Variants in RAB21 observed in about 807,000 individuals in gnomAD.
RAB21 encodes RAB21, member RAS oncogene family.
A neutral mutation model predicts 33.1 loss-of-function variants in RAB21; 13 were observed. The observed-to-expected ratio is 0.39, with a 90% CI of 0.26 to 0.62. RAB21 has a LOEUF of 0.62. Among genes scored for constraint, RAB21 ranks in the 20% least tolerant of loss-of-function variants. The pLI is 0.48. For missense variants in RAB21, 234 were observed against 279.1 expected (o/e 0.84, Z 1.15); for synonymous variants, 91 against 103.7 (o/e 0.88, Z 0.74).
At chr12:71,760,869 C>T (rs1882862538) in intron 1 of RAB21, among the ~76,000 whole-genome samples, 1 of 152,000 alleles carries the variant, frequency 6.6e-6, no homozygotes, top group South Asian at 2.1e-4. Flanking sequence ...GTAAGGTTGG[C>T]TAGGCAGGTA....
intron 1 of RAB21, among the ~76,000 whole-genome samples, chr12:71,769,020 C>G (rs369939074): frequency 6.6e-6 from 1 of 152,102 alleles, no homozygotes; most frequent in African/African-American, 2.4e-5. Context: ...TGTGTAGTTT[C>G]ATCTCTGGTA....
chr12:71,763,935 G>T (rs138089320), intron 1 of RAB21, among the ~76,000 whole-genome samples: 1,716 of 152,210 alleles, frequency 0.011, 89 homozygotes, highest in Admixed American at 0.094. Flanking sequence ...CTGACCTTCC[G>T]TGAATCACTG....
chr12:71,776,396 C>T (rs565566805), intron 4 of RAB21, among the ~76,000 whole-genome samples: 3 of 152,018 alleles, frequency 2.0e-5, no homozygotes, highest in African/African-American at 7.2e-5. Context: ...AAGATACTTT[C>T]ACTGGAGCAT....
rs1483496033 is a variant in RAB21, at chr12:71,782,610, G to C, written c.487G>C (p.Ala163Pro). The change falls in exon 6 of 7, where the codon GCC becomes CCC. Residue 163 changes from alanine to proline, a missense_variant. Ala to Pro is a conservative substitution (Grantham distance 27). Coordinates refer to ENST00000261263, the MANE Select transcript of RAB21 (RefSeq NM_014999.4). Reference sequence around the variant, plus strand: ...GGGAGCAAAACATTATCATACTTCAGCCAAACAGAACAAAGGAATTGAGGA... The same window carrying C: ...GGGAGCAAAACATTATCATACTTCACCCAAACAGAACAAAGGAATTGAGGA... ...SVGAKHYHTS[A>P]KQNKGIEELF... 6.2e-7 allele frequency: 1 copy of C among 1,603,672 alleles called. No individual in the cohort carries two copies. The highest frequency in any genetic ancestry group is 8.5e-7 in the Non-Finnish European group (1 of 1,173,976).
chr12:71,765,697 G>C (rs1303834206), intron 1 of RAB21, among the ~76,000 whole-genome samples: 1 of 151,950 alleles, frequency 6.6e-6, no homozygotes, highest in African/African-American at 2.4e-5. Context: ...AGCACCTTTT[G>C]TTAAATAGGC....
intron 1 of RAB21, among the ~76,000 whole-genome samples, chr12:71,757,218 C>A (rs1882798677): frequency 6.6e-6 from 1 of 152,152 alleles, no homozygotes; most frequent in Non-Finnish European, 1.5e-5. Context: ...AGTGATTCTC[C>A]TGCGTCAACC....
At chr12:71,759,701 A>G (rs541085511) in intron 1 of RAB21, among the ~76,000 whole-genome samples, 1 of 152,340 alleles carries the variant, frequency 6.6e-6, no homozygotes, top group East Asian at 1.9e-4. Context: ...TCTTGCCCAC[A>G]AGGTTATCAT....
At position 71,766,238 on chromosome 12, in the gene RAB21, A is replaced by G. The variant is rs187195438; in HGVS notation, c.160-3562A>G. Among the ~76,000 whole-genome samples the G allele has an allele frequency of 1.1e-3, 166 of 152,230 alleles. 1 individual carries two copies. Among genetic ancestry groups the G allele is most frequent in the Middle Eastern group, 0.01 (3 of 292 alleles). ...GATTGTCAATTATGGGCAGGGTACTATGACTTCCACCCACTTCTTCCACAA... is the reference window on the plus strand; with the variant it reads ...GATTGTCAATTATGGGCAGGGTACTGTGACTTCCACCCACTTCTTCCACAA... On this transcript the variant is annotated intron_variant, in intron 1 of 6. Transcript: ENST00000261263.
chr12:71,764,997 T>C (rs1281834176), intron 1 of RAB21, among the ~76,000 whole-genome samples: 1 of 152,204 alleles, frequency 6.6e-6, no homozygotes, highest in Non-Finnish European at 1.5e-5. Flanking sequence ...GATCAAATGA[T>C]AGATCTATAA....
At position 71,797,734 on chromosome 12, in the gene RAB21, G is replaced by C. The variant is rs977550619; in HGVS notation, c.*12061G>C. On this transcript the variant is annotated 3_prime_UTR_variant, in exon 7 of 7. Transcript: ENST00000261263. The stretch of plus-strand genomic sequence containing the variant: ...GAGCTCCAATAATTAAAACAGTCTG[G>C]AACTGGCATATGACTAGACAGATCA... 1.3e-5 allele frequency: 2 copies of C among 151,524 alleles called. No homozygotes were observed. Among genetic ancestry groups the C allele is most frequent in the Non-Finnish European group, 2.9e-5 (2 of 67,954 alleles). The allele number at this position is 151,524 out of a possible 1,614,324, so 9.4% of individuals were successfully genotyped here.
intron 1 of RAB21, among the ~76,000 whole-genome samples, chr12:71,765,587 C>G (rs1428495178): frequency 6.6e-6 from 1 of 152,022 alleles, no homozygotes; most frequent in Non-Finnish European, 1.5e-5. Context: ...GGTTTCAGTT[C>G]TTAGATTTAA....
rs1883456247 is a variant in RAB21 at position 71,795,526 on chromosome 12, G to A, written c.*9853G>A. 7.3e-6 allele frequency: 1 copy of A among 136,888 alleles called. No individual in the cohort carries two copies. The highest frequency in any genetic ancestry group is 1.5e-5 in the Non-Finnish European group (1 of 65,880). 8.5% of individuals were successfully genotyped at this position (136,888 alleles called of 1,614,324 possible). ...AAGGTTAACTAATACCTCTTTCAGA[G>A]TTGGGCAAAAGAAGAAAAAAAAAGC... On this transcript the variant is annotated 3_prime_UTR_variant, in exon 7 of 7. Transcript: ENST00000261263.
intron 4 of RAB21, among the ~76,000 whole-genome samples, chr12:71,777,217 C>G (rs900611982): frequency 6.6e-6 from 1 of 152,148 alleles, no homozygotes; most frequent in African/African-American, 2.4e-5. Context: ...GTTTTCCCCT[C>G]ACCATTCCCC....
chr12:71,788,819 A>G lies in RAB21; in HGVS notation c.*3146A>G, dbSNP rs570471671. 13 of 152,206 alleles carry G rather than the reference A, an allele frequency of 8.5e-5. No homozygotes were observed. Among genetic ancestry groups the G allele is most frequent in the Non-Finnish European group, 1.6e-4 (11 of 67,956 alleles). The allele number at this position is 152,206 out of a possible 1,614,324, so 9.4% of individuals were successfully genotyped here. On this transcript the variant is annotated 3_prime_UTR_variant, in exon 7 of 7. Transcript: ENST00000261263. ...ATGGGTATTCTGCTTCTTGTTTTTC[A>G]TTGTAATTACAGGGGAAGATTGTTT...
At chr12:71,768,619 CCCTT>C (rs1287847691) in intron 1 of RAB21, among the ~76,000 whole-genome samples, 1 of 152,172 alleles carries the variant, frequency 6.6e-6, no homozygotes, top group Non-Finnish European at 1.5e-5. Context: ...AGTCCAACCT[CCCTT>C]CCTATCCCAG....
At chr12:71,759,454 T>A (rs2137638236) in intron 1 of RAB21, among the ~76,000 whole-genome samples, 1 of 152,332 alleles carries the variant, frequency 6.6e-6, no homozygotes, top group East Asian at 1.9e-4. Flanking sequence ...TGACCAGAAG[T>A]GCAATTTTCT....
At chr12:71,765,131 T>C (rs1328699072) in intron 1 of RAB21, among the ~76,000 whole-genome samples, 1 of 152,230 alleles carries the variant, frequency 6.6e-6, no homozygotes, top group Non-Finnish European at 1.5e-5. Flanking sequence ...TATTGTTATT[T>C]TGACTAATTA....
intron 1 of RAB21, among the ~76,000 whole-genome samples, chr12:71,755,563 G>T (rs980932292): frequency 6.6e-6 from 1 of 152,176 alleles, no homozygotes; most frequent in Non-Finnish European, 1.5e-5. Flanking sequence ...TCCGTCCGTG[G>T]GCTGTTTTTT....
chr12:71,783,044 C>A (rs1202551526), intron 6 of RAB21, among the ~76,000 whole-genome samples: 1 of 151,944 alleles, frequency 6.6e-6, no homozygotes, highest in African/African-American at 2.4e-5. Flanking sequence ...GTTTGTGAAA[C>A]AAGATATTTG....
Sources: gnomAD v4.1 joint callset for allele counts (sites outside exome capture counted in the v4.1 genomes callset) on GRCh38, gnomAD v4.1.1 for gene constraint, MANE v1.5 for transcripts, NCBI Gene and HGNC (gene_info 2026-07-23, HGNC 2026-07-21) for gene names.